PTPRM: variants seen among roughly 807,000 people sequenced by gnomAD.
The protein encoded by PTPRM is receptor-type tyrosine-protein phosphatase mu.
In PTPRM, 47 loss-of-function variants were observed where a neutral mutation model predicts 186.7. That is an observed-to-expected ratio of 0.25 (90% CI 0.20 to 0.32). PTPRM has a LOEUF of 0.32. PTPRM is among the 10% of genes least tolerant of loss of function. The probability of loss-of-function intolerance (pLI) is 1.00; values close to 1 mark genes in which losing one functional copy is unlikely to be tolerated. For synonymous variants in PTPRM, 668 were observed against 674.9 expected (o/e 0.99, Z 0.16); for missense variants, 1,494 against 1,865.0 (o/e 0.80, Z 3.66).
intron 20 of PTPRM, among the ~76,000 whole-genome samples, chr18:8,312,474 A>G (rs544998543): frequency 3.9e-5 from 6 of 152,170 alleles, no homozygotes; most frequent in Non-Finnish European, 8.8e-5. Flanking sequence ...TAAAAACAGC[A>G]GGAAGAAAAA....
intron 1 of PTPRM, among the ~76,000 whole-genome samples, chr18:7,686,844 C>T (rs1341864887): frequency 2.0e-5 from 3 of 152,048 alleles, no homozygotes; most frequent in African/African-American, 7.2e-5. Flanking sequence ...TTAATCCCTC[C>T]AACCAGCCAA....
At chr18:8,392,820 A>G (rs761815554) in intron 31 of PTPRM, among the ~76,000 whole-genome samples, 4 of 152,304 alleles carry the variant, frequency 2.6e-5, no homozygotes, top group African/African-American at 4.8e-5. Flanking sequence ...AACAATGTGA[A>G]CAAAATCAAT....
chr18:8,146,326 G>A (rs1288272912), intron 14 of PTPRM, among the ~76,000 whole-genome samples: 1 of 151,866 alleles, frequency 6.6e-6, no homozygotes, highest in Non-Finnish European at 1.5e-5. Context: ...CAGCCTTCCT[G>A]ACTTTTAATG....
intron 23 of PTPRM, among the ~76,000 whole-genome samples, chr18:8,350,568 T>G (rs2095529106): frequency 2.6e-5 from 4 of 152,208 alleles, no homozygotes; most frequent in African/African-American, 4.8e-5. Context: ...TGGTGGTCTT[T>G]TAGACAACAC....
At chr18:7,632,525 G>A (rs558763793) in intron 1 of PTPRM, among the ~76,000 whole-genome samples, 1 of 152,280 alleles carries the variant, frequency 6.6e-6, no homozygotes, top group South Asian at 2.1e-4. Context: ...TTAGCACTTG[G>A]TGTCGTTTCC....
rs762617360 is a variant in PTPRM, at chr18:8,384,661, T to C, written c.4019T>C (p.Ile1340Thr). 2 of 1,614,194 alleles carry C rather than the reference T, an allele frequency of 1.2e-6. No individual in the cohort carries two copies. Among genetic ancestry groups the C allele is most frequent in the Non-Finnish European group, 1.7e-6 (2 of 1,180,026 alleles). ...CTGGAAGAGGACATCATCAGCAGGA[T>C]ATTCCGCATTTACAATGCCGCCAGA... Reference protein sequence around the residue: ...ADLEEDIISRIFRIYNAARPQ... With the variant: ...ADLEEDIISRTFRIYNAARPQ... The change falls in exon 30 of 33, where the codon ATA becomes ACA. Residue 1340 changes from isoleucine (I) to threonine (T), a missense_variant. Ile to Thr is a moderately conservative substitution (Grantham distance 89). Transcript: ENST00000580170.
At chr18:8,048,585 T>TA (rs5822990) in intron 7 of PTPRM, among the ~76,000 whole-genome samples, 3,354 of 144,860 alleles carry the variant, frequency 0.023, 116 homozygotes, top group African/African-American at 0.077. Context: ...AAGTCTTTTT[T>TA]AAAAAAAAAA....
chr18:8,111,059 C>T (rs1192499929), intron 11 of PTPRM, among the ~76,000 whole-genome samples: 4 of 152,088 alleles, frequency 2.6e-5, no homozygotes, highest in Non-Finnish European at 5.9e-5. Flanking sequence ...TGTAGAATAC[C>T]CTGGTAGAAT....
intron 23 of PTPRM, among the ~76,000 whole-genome samples, chr18:8,347,177 G>A (rs532076627): frequency 2.0e-5 from 3 of 152,176 alleles, no homozygotes; most frequent in South Asian, 2.1e-4. Flanking sequence ...CCGTGCACAC[G>A]TTCAATATTT....
chr18:7,754,474 G>A (rs1202578755), intron 1 of PTPRM, among the ~76,000 whole-genome samples: 1 of 152,152 alleles, frequency 6.6e-6, no homozygotes, highest in Non-Finnish European at 1.5e-5. Context: ...ATTCACCATA[G>A]GCCAGCCTTC....
At chr18:7,878,935 A>G (rs575713124) in intron 2 of PTPRM, among the ~76,000 whole-genome samples, 23 of 152,266 alleles carry the variant, frequency 1.5e-4, no homozygotes, top group African/African-American at 5.1e-4. Context: ...TAAATAGTCA[A>G]CCTGTCACTA....
At chr18:8,372,845 C>T (rs1166887440) in intron 24 of PTPRM, among the ~76,000 whole-genome samples, 1 of 152,050 alleles carries the variant, frequency 6.6e-6, no homozygotes, top group South Asian at 2.1e-4. Flanking sequence ...ATCCAAAAGC[C>T]ATCATTTAAA....
At position 8,296,472 on chromosome 18, in the gene PTPRM, T is replaced by C; in HGVS notation, c.2842+17T>C. ...TCATTGCATGTAAGTGTCAACAGTGTCATTGTGCTGTTGTAGAACTTCCTT... is the reference window on the plus strand; with the variant it reads ...TCATTGCATGTAAGTGTCAACAGTGCCATTGTGCTGTTGTAGAACTTCCTT... On this transcript the variant is annotated intron_variant, in intron 20 of 32. Transcript: ENST00000580170. The C allele has an allele frequency of 6.4e-7, 1 of 1,557,280 alleles. No individual in the cohort carries two copies.
At chr18:8,257,987 T>C (rs1417138425) in intron 19 of PTPRM, among the ~76,000 whole-genome samples, 1 of 152,160 alleles carries the variant, frequency 6.6e-6, no homozygotes, top group Non-Finnish European at 1.5e-5. Flanking sequence ...GGTTTTTTAT[T>C]TGATTTTGTT....
intron 11 of PTPRM, among the ~76,000 whole-genome samples, chr18:8,101,903 T>C (rs1027648615): frequency 1.3e-5 from 2 of 152,194 alleles, no homozygotes; most frequent in African/African-American, 4.8e-5. Flanking sequence ...ATTCTGCAAA[T>C]TAATATCCTT....
chr18:7,731,585 T>A (rs2040660471), intron 1 of PTPRM, among the ~76,000 whole-genome samples: 1 of 152,190 alleles, frequency 6.6e-6, no homozygotes, highest in Non-Finnish European at 1.5e-5. Context: ...TCTGCAATAG[T>A]GCTGGGATAA....
intron 1 of PTPRM, among the ~76,000 whole-genome samples, chr18:7,617,731 G>A (rs769567555): frequency 1.3e-5 from 2 of 152,212 alleles, no homozygotes; most frequent in Non-Finnish European, 1.5e-5. Flanking sequence ...TCTCCTTTCC[G>A]CTGGTATAAG....
At chr18:7,938,844 C>G (rs1288175884) in intron 5 of PTPRM, among the ~76,000 whole-genome samples, 1 of 152,136 alleles carries the variant, frequency 6.6e-6, no homozygotes, top group East Asian at 1.9e-4. Flanking sequence ...TTTTGGCTAT[C>G]TGTATATTCA....
chr18:8,273,733 T>G (rs1317017002), intron 19 of PTPRM, among the ~76,000 whole-genome samples: 3 of 152,168 alleles, frequency 2.0e-5, no homozygotes, highest in African/African-American at 7.2e-5. Flanking sequence ...ATAAGTTACA[T>G]TTGCAATTCA....
Sources: allele counts gnomAD v4.1 joint callset (sites outside exome capture counted in the v4.1 genomes callset), GRCh38; gene constraint gnomAD v4.1.1; transcripts MANE v1.5; gene names NCBI Gene and HGNC (gene_info 2026-07-23, HGNC 2026-07-21).